Variants in GPC6 observed in about 807,000 individuals in gnomAD.
The protein encoded by GPC6 is glypican 6.
In GPC6, 14 loss-of-function variants were observed where a neutral mutation model predicts 55.2. The ratio of observed to expected loss-of-function variants is 0.25; its 90% CI spans 0.17 to 0.40. The LOEUF is 0.40. Among genes scored for constraint, GPC6 ranks in the 10% least tolerant of loss-of-function variants. The pLI is 1.00. For missense variants in GPC6, 641 were observed against 708.5 expected (o/e 0.90, Z 1.08); for synonymous variants, 278 against 259.6 (o/e 1.07, Z -0.68).
rs1314332612 is a variant in GPC6 at position 93,285,611 on chromosome 13, T to C, written c.160+57995T>C. Among the ~76,000 whole-genome samples, 6 of 148,314 alleles carry C rather than the reference T, an allele frequency of 4.0e-5. No individual in the cohort carries two copies. In the East Asian group the frequency reaches 1.2e-3, roughly 30 times the overall value. On this transcript the variant is annotated intron_variant, in intron 1 of 8. Coordinates refer to ENST00000377047, the MANE Select transcript of GPC6 (RefSeq NM_005708.5). ...TTCCTGGGATGTATGTGTATGTATA[T>C]ACTGCTGTGTGTGTGTGTGTGTGTG...
rs559295636 is a variant in GPC6, at chr13:93,251,238, C to T, written c.160+23622C>T. Among the ~76,000 whole-genome samples the T allele has an allele frequency of 3.3e-5, 5 of 152,194 alleles. No individual in the cohort carries two copies. In the East Asian group the frequency reaches 9.7e-4, roughly 29 times the overall value. On this transcript the variant is annotated intron_variant, in intron 1 of 8. Coordinates refer to ENST00000377047, the MANE Select transcript of GPC6 (RefSeq NM_005708.5). Reference sequence around the variant, plus strand: ...TTCCACCTCCTTCCTTTGCACAGACCCCTTGGGCAGGGATGGGTTTGCTAT... The same window carrying T: ...TTCCACCTCCTTCCTTTGCACAGACTCCTTGGGCAGGGATGGGTTTGCTAT...
intron 1 of GPC6, among the ~76,000 whole-genome samples, chr13:93,477,324 A>G (rs964413282): frequency 6.6e-6 from 1 of 152,188 alleles, no homozygotes; most frequent in African/African-American, 2.4e-5. Context: ...TTCTTAAATC[A>G]TATAAACTGT....
intron 1 of GPC6, among the ~76,000 whole-genome samples, chr13:93,324,153 A>G (rs1174709297): frequency 1.3e-5 from 2 of 152,196 alleles, no homozygotes; most frequent in Non-Finnish European, 2.9e-5. Context: ...CAACATGGAT[A>G]GAATTGGACA....
intron 2 of GPC6, among the ~76,000 whole-genome samples, chr13:93,825,064 G>T (rs557178543): frequency 6.6e-6 from 1 of 152,156 alleles, no homozygotes; most frequent in South Asian, 2.1e-4. Context: ...AAATAGGCTG[G>T]CGTTTTCTCT....
In GPC6 at chr13:94,359,418, A is replaced by G. The variant is rs372234367; in HGVS notation, c.1153-22996A>G. ...TCTAATGAGAAAAATACAAAAAATA[A>G]TATCAGTGAATTTTATATTTATTAA... On this transcript the variant is annotated intron_variant, in intron 6 of 8. Transcript: ENST00000377047. Among the ~76,000 whole-genome samples, 7 of 152,320 alleles carry G rather than the reference A, an allele frequency of 4.6e-5. No individual in the cohort carries two copies. In the East Asian group the frequency reaches 1.2e-3, roughly 25 times the overall value.
intron 2 of GPC6, among the ~76,000 whole-genome samples, chr13:93,625,740 A>G (rs1879174623): frequency 2.0e-5 from 3 of 152,152 alleles, no homozygotes; most frequent in African/African-American, 7.2e-5. Flanking sequence ...AGAACAGCCA[A>G]CTGTAAACAG....
chr13:94,229,740 A>G (rs1890665378), intron 4 of GPC6, among the ~76,000 whole-genome samples: 1 of 152,226 alleles, frequency 6.6e-6, no homozygotes, highest in African/African-American at 2.4e-5. Context: ...TGAAAAGCAG[A>G]GATAAAAAGA....
chr13:93,729,975 T>C (rs1380009616), intron 2 of GPC6, among the ~76,000 whole-genome samples: 1 of 152,198 alleles, frequency 6.6e-6, no homozygotes, highest in East Asian at 1.9e-4. Flanking sequence ...TTTTTAACAA[T>C]CTCTGCTGGA....
intron 4 of GPC6, among the ~76,000 whole-genome samples, chr13:94,223,817 A>C (rs546788433): frequency 1.7e-4 from 26 of 152,286 alleles, no homozygotes; most frequent in African/African-American, 6.3e-4. Context: ...CTCTATTTGC[A>C]AATTCACCTA....
chr13:94,320,293 A>G (rs1252468485), intron 6 of GPC6, among the ~76,000 whole-genome samples: 1 of 152,056 alleles, frequency 6.6e-6, no homozygotes, highest in Non-Finnish European at 1.5e-5. Flanking sequence ...TCTAAATTCT[A>G]CCTTTTCCAT....
At chr13:93,400,635 T>G (rs1023380338) in intron 1 of GPC6, among the ~76,000 whole-genome samples, 2 of 152,126 alleles carry the variant, frequency 1.3e-5, no homozygotes, top group African/African-American at 4.8e-5. Context: ...GAATAACACT[T>G]GAGGGGATGG....
chr13:94,036,617 G>A (rs1256668831), intron 4 of GPC6, among the ~76,000 whole-genome samples: 1 of 151,986 alleles, frequency 6.6e-6, no homozygotes, highest in Non-Finnish European at 1.5e-5. Flanking sequence ...ATTCTACTGG[G>A]TGAAATGAGT....
intron 2 of GPC6, among the ~76,000 whole-genome samples, chr13:93,650,978 A>G (rs896262878): frequency 4.6e-5 from 7 of 152,218 alleles, no homozygotes; most frequent in African/African-American, 1.7e-4. Context: ...ATGTGCATTC[A>G]TGAACAAGCA....
chr13:93,434,990 C>G (rs1048990815), intron 1 of GPC6, among the ~76,000 whole-genome samples: 37 of 152,182 alleles, frequency 2.4e-4, no homozygotes, highest in African/African-American at 7.0e-4. Context: ...CAGGTGTGAG[C>G]CACTATGCCC....
At chr13:93,250,678 C>T (rs961230682) in intron 1 of GPC6, among the ~76,000 whole-genome samples, 1 of 152,114 alleles carries the variant, frequency 6.6e-6, no homozygotes, top group Admixed American at 6.5e-5. Flanking sequence ...CCTCTGAGTA[C>T]TCTGTGCCCC....
rs1315090576 is a variant in GPC6, at chr13:94,404,216, T to G, written c.*999T>G. On this transcript the variant is annotated 3_prime_UTR_variant, in exon 9 of 9. Transcript: ENST00000377047. ...TTAGATCCATTCCTGAGTTTTCATT[T>G]TTAACTATTTACTTTGTGTCAGTTG... 6.6e-6 allele frequency: 1 copy of G among 152,166 alleles called. No homozygotes were observed. Among genetic ancestry groups the G allele is most frequent in the Non-Finnish European group, 1.5e-5 (1 of 68,032 alleles). The allele number at this position is 152,166 out of a possible 1,614,324, so 9.4% of individuals were successfully genotyped here.
At chr13:94,288,930 T>G (rs146701490) in intron 5 of GPC6, among the ~76,000 whole-genome samples, 1,312 of 108,078 alleles carry the variant, frequency 0.012, 46 homozygotes, top group African/African-American at 0.061. Context: ...ATATAACAAA[T>G]ATAGATAGAT....
At chr13:93,363,535 T>C (rs958556741) in intron 1 of GPC6, among the ~76,000 whole-genome samples, 3 of 151,624 alleles carry the variant, frequency 2.0e-5, no homozygotes, top group African/African-American at 7.3e-5. Flanking sequence ...AGTCTATCAT[T>C]GTTGGACATT....
intron 1 of GPC6, among the ~76,000 whole-genome samples, chr13:93,331,888 T>C (rs1402327128): frequency 6.6e-6 from 1 of 152,092 alleles, no homozygotes; most frequent in East Asian, 1.9e-4. Flanking sequence ...CAACCTCTGG[T>C]AAGCAACATC....
Sources: allele counts gnomAD v4.1 joint callset (sites outside exome capture counted in the v4.1 genomes callset), GRCh38; gene constraint gnomAD v4.1.1; transcripts MANE v1.5; gene names NCBI Gene and HGNC (gene_info 2026-07-23, HGNC 2026-07-21).